Variants in FBXL4 observed in about 807,000 individuals in gnomAD.
The protein encoded by FBXL4 is F-box and leucine rich repeat protein 4, also known as F-box/LRR-repeat protein 4.
Under a neutral mutation model 58.9 loss-of-function variants are expected in FBXL4, and 40 were observed. The observed-to-expected ratio is 0.68, with a 90% CI of 0.53 to 0.88. The LOEUF is 0.88. Among genes scored for constraint, FBXL4 ranks in the 40% least tolerant of loss-of-function variants. The probability of loss-of-function intolerance (pLI) is 0.00; values close to 1 mark genes in which losing one functional copy is unlikely to be tolerated. For missense variants in FBXL4, 676 were observed against 734.4 expected (o/e 0.92, Z 0.92); for synonymous variants, 263 against 265.5 (o/e 0.99, Z 0.09).
chr6:98,938,185 G>GT (rs2128411529), intron 1 of FBXL4, among the ~76,000 whole-genome samples: 1 of 151,940 alleles, frequency 6.6e-6, no homozygotes, highest in African/African-American at 2.4e-5. Flanking sequence ...GGCCTTCACA[G>GT]TTTTTTCTGT....
At chr6:98,911,669 A>C (rs1772077355) in intron 5 of FBXL4, among the ~76,000 whole-genome samples, 1 of 152,056 alleles carries the variant, frequency 6.6e-6, no homozygotes, top group African/African-American at 2.4e-5. Context: ...TCCACCAAAA[A>C]CCCATCTGTA....
chr6:98,899,526 A>AT (rs1771528489), intron 6 of FBXL4, 45 bp from the exon 7 acceptor site: 2 of 1,574,406 alleles, frequency 1.3e-6, no homozygotes, highest in Non-Finnish European at 1.7e-6. Context: ...ACTAAAAGAT[A>AT]TTTTTGCAAG....
At chr6:98,912,905 C>A (rs1334563348) in intron 5 of FBXL4, among the ~76,000 whole-genome samples, 1 of 151,950 alleles carries the variant, frequency 6.6e-6, no homozygotes, top group African/African-American at 2.4e-5. Flanking sequence ...AGTCAAGACC[C>A]ATCAGTGTGC....
chr6:98,887,230 T>G (rs1346421197), intron 7 of FBXL4, among the ~76,000 whole-genome samples: 6 of 152,174 alleles, frequency 3.9e-5, no homozygotes, highest in Non-Finnish European at 8.8e-5. Context: ...CATGCCACTG[T>G]ACTCCAGCCT....
chr6:98,893,399 T>C (rs1010294271), intron 7 of FBXL4, among the ~76,000 whole-genome samples: 1 of 146,794 alleles, frequency 6.8e-6, no homozygotes, highest in Non-Finnish European at 1.6e-5. Flanking sequence ...TAGCGGGTCA[T>C]CTTCTTCCAT....
At chr6:98,929,517 G>A (rs188081012) in intron 2 of FBXL4, among the ~76,000 whole-genome samples, 2 of 149,078 alleles carry the variant, frequency 1.3e-5, no homozygotes, top group Admixed American at 6.7e-5. Flanking sequence ...ATTGCAGTGA[G>A]CCAAGATCAT....
At chr6:98,946,358 A>G (rs768155221) in intron 1 of FBXL4, among the ~76,000 whole-genome samples, 1 of 152,244 alleles carries the variant, frequency 6.6e-6, no homozygotes, top group Non-Finnish European at 1.5e-5. Context: ...ATCATTAACA[A>G]TACTAGAAGA....
intron 1 of FBXL4, among the ~76,000 whole-genome samples, chr6:98,939,655 G>A (rs1235102653): frequency 6.6e-6 from 1 of 152,092 alleles, no homozygotes; most frequent in African/African-American, 2.4e-5. Context: ...TGTAATCTAT[G>A]GTACATAACA....
At chr6:98,942,212 C>A (rs1352104036) in intron 1 of FBXL4, among the ~76,000 whole-genome samples, 17 of 149,146 alleles carry the variant, frequency 1.1e-4, no homozygotes, top group East Asian at 3.9e-4. Flanking sequence ...AAAAAAAAAA[C>A]AACAGAATTA....
chr6:98,928,590 A>G (rs918520051), intron 2 of FBXL4, among the ~76,000 whole-genome samples: 2 of 152,174 alleles, frequency 1.3e-5, no homozygotes, highest in Admixed American at 1.3e-4. Flanking sequence ...TCGGCCTCCC[A>G]AAGTGCTGGG....
At chr6:98,914,118 A>G (rs1772224747) in intron 5 of FBXL4, among the ~76,000 whole-genome samples, 1 of 152,238 alleles carries the variant, frequency 6.6e-6, no homozygotes, top group South Asian at 2.1e-4. Flanking sequence ...TAAACCAGGA[A>G]GAAGTTGAAT....
chr6:98,919,562 T>C (rs1448744189), intron 4 of FBXL4, among the ~76,000 whole-genome samples: 2 of 152,054 alleles, frequency 1.3e-5, no homozygotes, highest in African/African-American at 4.8e-5. Context: ...CTTCTTCTGG[T>C]GACAAGACAG....
chr6:98,941,857 T>C (rs1357994242), intron 1 of FBXL4, among the ~76,000 whole-genome samples: 1 of 152,114 alleles, frequency 6.6e-6, no homozygotes. Flanking sequence ...ATTAGGACAA[T>C]AGTTTTTTTT....
At chr6:98,911,269 G>A (rs915957627) in intron 5 of FBXL4, among the ~76,000 whole-genome samples, 46 of 152,210 alleles carry the variant, frequency 3.0e-4, no homozygotes, top group Non-Finnish European at 5.6e-4. Flanking sequence ...CAAACAAAAA[G>A]ACAGCAGTAA....
At chr6:98,921,920 T>C (rs558976418) in intron 4 of FBXL4, among the ~76,000 whole-genome samples, 7 of 152,276 alleles carry the variant, frequency 4.6e-5, no homozygotes, top group African/African-American at 1.7e-4. Context: ...TTCCAAATGG[T>C]AACCCTGAGC....
intron 7 of FBXL4, among the ~76,000 whole-genome samples, chr6:98,889,749 G>A (rs1771161845): frequency 6.6e-6 from 1 of 151,400 alleles, no homozygotes; most frequent in Non-Finnish European, 1.5e-5. Flanking sequence ...ATGGATAACA[G>A]ATGTGGAAGT....
chr6:98,881,477 A>G (rs113771221), intron 7 of FBXL4, among the ~76,000 whole-genome samples: 2 of 152,092 alleles, frequency 1.3e-5, no homozygotes, highest in Non-Finnish European at 2.9e-5. Context: ...ATATTTAAAA[A>G]TTAAGATATT....
In FBXL4 at chr6:98,911,788, C is replaced by T. The variant is rs140703216; in HGVS notation, c.858+5586G>A. On this transcript the variant is annotated intron_variant, in intron 5 of 9. Transcript: ENST00000369244. ...GCAGAGCGCCTCTCCTCCAAAGGAACGCAGTTCCTCACCGGCAATGGAACA... is the reference window on the plus strand; with the variant it reads ...GCAGAGCGCCTCTCCTCCAAAGGAATGCAGTTCCTCACCGGCAATGGAACA... Among the ~76,000 whole-genome samples, 945 of 152,312 alleles carry T rather than the reference C, an allele frequency of 6.2e-3. 9 individuals carry two copies. The highest frequency in any genetic ancestry group is 0.02 in the African/African-American group (842 of 41,562).
intron 7 of FBXL4, among the ~76,000 whole-genome samples, chr6:98,884,822 A>G (rs972797287): frequency 6.6e-6 from 1 of 152,128 alleles, no homozygotes; most frequent in South Asian, 2.1e-4. Context: ...AGTAACTTCT[A>G]TTCAATGAAC....
Sources: allele counts gnomAD v4.1 joint callset (sites outside exome capture counted in the v4.1 genomes callset), GRCh38; gene constraint gnomAD v4.1.1; transcripts MANE v1.5; gene names NCBI Gene and HGNC (gene_info 2026-07-23, HGNC 2026-07-21).